The following SLC30A8 variants were observed in gnomAD, a reference collection of about 807,000 sequenced individuals.
SLC30A8 encodes the protein solute carrier family 30 member 8, also known as proton-coupled zinc antiporter SLC30A8.
SLC30A8 carries 27 observed loss-of-function variants against 36.9 expected under a neutral mutation model. That is an observed-to-expected ratio of 0.73 (90% CI 0.54 to 1.01). SLC30A8 has a LOEUF of 1.01. Ranked by LOEUF, SLC30A8 falls within the 50% of genes least tolerant of loss-of-function variation. The pLI is 0.00. For missense variants in SLC30A8, 439 were observed against 452.0 expected, an observed-to-expected ratio of 0.97 and a Z score of 0.26; for synonymous variants, 164 against 172.4, an observed-to-expected ratio of 0.95 and a Z score of 0.38.
chr8:116,993,645 A>G (rs1464740942), intron 1 of SLC30A8, among the ~76,000 whole-genome samples: 1 of 152,024 alleles, frequency 6.6e-6, no homozygotes, highest in African/African-American at 2.4e-5. Flanking sequence ...AGAAACAGGT[A>G]ACCAGAATCT....
At chr8:117,054,230 C>G (rs1817797509) in intron 2 of SLC30A8, among the ~76,000 whole-genome samples, 1 of 151,214 alleles carries the variant, frequency 6.6e-6, no homozygotes, top group South Asian at 2.1e-4. Flanking sequence ...TTCTGAGTAG[C>G]TGGGACGACA....
intron 2 of SLC30A8, among the ~76,000 whole-genome samples, chr8:117,118,815 C>A (rs1820563062): frequency 6.6e-6 from 1 of 151,872 alleles, no homozygotes; most frequent in Non-Finnish European, 1.5e-5. Flanking sequence ...CTTTTATTAA[C>A]TGAACAACAA....
At chr8:117,102,218 G>A (rs1819755359) in intron 2 of SLC30A8, among the ~76,000 whole-genome samples, 1 of 152,028 alleles carries the variant, frequency 6.6e-6, no homozygotes, top group African/African-American at 2.4e-5. Context: ...TTTATACAAA[G>A]TTTTCCATAA....
intron 1 of SLC30A8, among the ~76,000 whole-genome samples, chr8:117,017,712 G>T (rs1374788375): frequency 1.3e-5 from 2 of 152,236 alleles, no homozygotes; most frequent in Admixed American, 6.5e-5. Context: ...ATGAGGCAGA[G>T]AAATTTAACT....
upstream of SLC30A8, chr8:117,130,405 T>C (rs1821080049): frequency 6.6e-6 from 1 of 151,960 alleles, no homozygotes; most frequent in South Asian, 2.1e-4. Flanking sequence ...GAATGCTCTG[T>C]GAAAATCCAT....
chr8:116,966,484 C>T (rs186727310), intron 1 of SLC30A8, among the ~76,000 whole-genome samples: 1 of 152,210 alleles, frequency 6.6e-6, no homozygotes, highest in Non-Finnish European at 1.5e-5. Context: ...AGGCCATAAT[C>T]CTATAAACAT....
intron 4 of SLC30A8, among the ~76,000 whole-genome samples, chr8:117,160,495 T>A (rs1326731663): frequency 6.6e-6 from 1 of 151,832 alleles, no homozygotes; most frequent in African/African-American, 2.4e-5. Context: ...CTCCAGCACA[T>A]TTAAAGCTAC....
intron 1 of SLC30A8, among the ~76,000 whole-genome samples, chr8:116,981,722 C>T (rs2130644027): frequency 6.6e-6 from 1 of 152,304 alleles, no homozygotes; most frequent in South Asian, 2.1e-4. Context: ...CCCACTCCAT[C>T]CATGTTGCTG....
intron 3 of SLC30A8, among the ~76,000 whole-genome samples, chr8:117,157,070 C>G (rs1822526992): frequency 6.6e-6 from 1 of 152,198 alleles, no homozygotes; most frequent in Non-Finnish European, 1.5e-5. Flanking sequence ...ACCATTTTAT[C>G]TTTACATATT....
At chr8:117,011,279 T>C (rs553141279) in intron 1 of SLC30A8, among the ~76,000 whole-genome samples, 4 of 152,288 alleles carry the variant, frequency 2.6e-5, no homozygotes, top group African/African-American at 9.6e-5. Flanking sequence ...TTTGACCAGG[T>C]GGTTTTAACT....
chr8:117,008,006 C>T (rs1010674763), intron 1 of SLC30A8, among the ~76,000 whole-genome samples: 1 of 152,092 alleles, frequency 6.6e-6, no homozygotes, highest in Admixed American at 6.6e-5. Context: ...ATTCTACATT[C>T]AACCTTAAGG....
intron 2 of SLC30A8, among the ~76,000 whole-genome samples, chr8:117,129,648 T>C (rs1055384717): frequency 1.3e-5 from 2 of 151,866 alleles, no homozygotes; most frequent in Admixed American, 6.6e-5. Flanking sequence ...TAGGAAAACA[T>C]TGTAATTGTG....
chr8:117,163,845 A>C (rs1490667274), intron 6 of SLC30A8: 3 of 187,652 alleles, frequency 1.6e-5, no homozygotes, highest in Non-Finnish European at 3.3e-5. Flanking sequence ...AAACTACATA[A>C]GTTTACCCCC....
rs543148799 is a variant in SLC30A8, at chr8:116,965,575, G to A, written c.-266+14456G>A. On this transcript the variant is annotated intron_variant, in intron 1 of 10. Transcript: ENST00000427715. ...GACTGGAACCCTCAATCTCCTGTGT[G>A]GTGTGAATTCCACATCTTTGCAGGA... Among the ~76,000 whole-genome samples the A allele has an allele frequency of 2.6e-5, 4 of 152,256 alleles. No individual in the cohort carries two copies. The South Asian group carries it at 8.3e-4, about 32-fold the overall frequency.
At chr8:117,145,182 TA>T (rs1821843359) in intron 1 of SLC30A8, among the ~76,000 whole-genome samples, 1 of 152,158 alleles carries the variant, frequency 6.6e-6, no homozygotes, top group South Asian at 2.1e-4. Flanking sequence ...CAATAATTCT[TA>T]TTTATTAATT....
intron 1 of SLC30A8, among the ~76,000 whole-genome samples, chr8:116,976,534 G>T (rs1399004514): frequency 1.3e-5 from 2 of 152,128 alleles, no homozygotes; most frequent in Admixed American, 6.5e-5. Context: ...TCTCAAGCAC[G>T]CAAGAGCAGG....
intron 1 of SLC30A8, among the ~76,000 whole-genome samples, chr8:117,038,798 C>T (rs1335012574): frequency 6.6e-6 from 1 of 152,206 alleles, no homozygotes; most frequent in Non-Finnish European, 1.5e-5. Context: ...CTTCACAATT[C>T]CCCTGGGTAA....
intron 1 of SLC30A8, among the ~76,000 whole-genome samples, chr8:117,027,267 C>T (rs1174712372): frequency 2.0e-5 from 3 of 152,088 alleles, no homozygotes; most frequent in African/African-American, 7.2e-5. Flanking sequence ...AACACCATTT[C>T]CTGTCACCCA....
intron 2 of SLC30A8, among the ~76,000 whole-genome samples, chr8:117,072,124 A>ACCAAATCT (rs1818351346): frequency 6.6e-6 from 1 of 152,176 alleles, no homozygotes; most frequent in Non-Finnish European, 1.5e-5. Context: ...CTGCTTTGGC[A>ACCAAATCT]CCAAATCTAT....
Sources: gnomAD v4.1 joint callset for allele counts (sites outside exome capture counted in the v4.1 genomes callset) on GRCh38, gnomAD v4.1.1 for gene constraint, MANE v1.5 for transcripts, NCBI Gene and HGNC (gene_info 2026-07-23, HGNC 2026-07-21) for gene names.